The following CALCRL variants were observed in gnomAD, a reference collection of about 807,000 sequenced individuals.
The protein encoded by CALCRL is calcitonin gene-related peptide type 1 receptor.
In CALCRL, 27 loss-of-function variants were observed where a neutral mutation model predicts 60.4. That is an observed-to-expected ratio of 0.45 (90% CI 0.33 to 0.62). The LOEUF (loss-of-function observed/expected upper bound fraction) is 0.62, where lower values mean the gene tolerates loss of function less well. CALCRL is among the 20% of genes least tolerant of loss of function. CALCRL has a pLI of 0.03. For synonymous variants in CALCRL, 190 were observed against 182.6 expected (o/e 1.04, Z -0.33); for missense variants, 424 against 540.7 (o/e 0.78, Z 2.14).
At chr2:187,402,722 AAG>A (rs1332517791) in intron 1 of CALCRL, among the ~76,000 whole-genome samples, 2 of 151,854 alleles carry the variant, frequency 1.3e-5, no homozygotes, top group African/African-American at 2.4e-5. Flanking sequence ...GTGAATCAGA[AAG>A]AGTCTCCTGA....
At chr2:187,431,214 A>C (rs1324890137) in intron 1 of CALCRL, 1 of 154,790 alleles carries the variant, frequency 6.5e-6, no homozygotes, top group Non-Finnish European at 1.5e-5. Flanking sequence ...TATTGTTAAC[A>C]TGGTCTTATC....
chr2:187,412,757 A>T (rs1241330740), intron 1 of CALCRL, among the ~76,000 whole-genome samples: 1 of 152,214 alleles, frequency 6.6e-6, no homozygotes, highest in Non-Finnish European at 1.5e-5. Flanking sequence ...AATCTAATAC[A>T]AAATGGAATA....
At chr2:187,389,812 G>A (rs1688358933) in intron 1 of CALCRL, among the ~76,000 whole-genome samples, 1 of 151,956 alleles carries the variant, frequency 6.6e-6, no homozygotes, top group African/African-American at 2.4e-5. Context: ...ATCTTCCTTT[G>A]ATTAACTTTA....
intron 9 of CALCRL, 105 bp downstream of exon 9, chr2:187,363,271 A>C (rs1687137490): frequency 1.0e-5 from 11 of 1,090,410 alleles, no homozygotes; most frequent in Non-Finnish European, 1.4e-5. Flanking sequence ...AGACTTGAAA[A>C]TATACATATA....
intron 1 of CALCRL, among the ~76,000 whole-genome samples, chr2:187,392,665 T>C (rs1311300376): frequency 1.3e-5 from 2 of 152,178 alleles, no homozygotes; most frequent in East Asian, 3.8e-4. Flanking sequence ...AGAATTGTTG[T>C]TGCAAGTTAA....
chr2:187,352,300 G>T lies in CALCRL; in HGVS notation c.942C>A (p.Arg314=). Residue 314 remains arginine (R), a synonymous_variant, in exon 13 of 15, where the codon CGC becomes CGA. Coordinates refer to ENST00000392370, the MANE Select transcript of CALCRL (RefSeq NM_005795.6). ...TAACTTTTAACTTGGTGATGAGAAC[G>T]CGTACAATATTTAACAAGAAAAAAA... The part of the protein sequence containing the change: ...VNLFFLLNIV[R]VLITKLKVTH... The T allele has an allele frequency of 6.2e-7, 1 of 1,610,814 alleles. No individual in the cohort carries two copies.
At chr2:187,412,315 G>A (rs1423383556) in intron 1 of CALCRL, among the ~76,000 whole-genome samples, 1 of 151,974 alleles carries the variant, frequency 6.6e-6, no homozygotes, top group Non-Finnish European at 1.5e-5. Context: ...TTTTTCTCTT[G>A]AAGTGGCCCA....
intron 1 of CALCRL, among the ~76,000 whole-genome samples, chr2:187,397,243 G>A (rs1289422594): frequency 1.3e-5 from 2 of 151,498 alleles, no homozygotes; most frequent in African/African-American, 4.8e-5. Context: ...ATTTCAAGGC[G>A]GTGGTCACAT....
chr2:187,421,332 G>A (rs910159078), intron 1 of CALCRL, among the ~76,000 whole-genome samples: 4 of 152,014 alleles, frequency 2.6e-5, no homozygotes, highest in African/African-American at 7.2e-5. Flanking sequence ...GAAGCCTCTC[G>A]ATATCAAAAT....
At chr2:187,373,549 G>A (rs1054033283) in intron 8 of CALCRL, among the ~76,000 whole-genome samples, 1 of 151,994 alleles carries the variant, frequency 6.6e-6, no homozygotes, top group Non-Finnish European at 1.5e-5. Context: ...ATTTAATTTT[G>A]TTTTTAAAGA....
chr2:187,364,694 A>G (rs1687202971), intron 8 of CALCRL, among the ~76,000 whole-genome samples: 1 of 152,138 alleles, frequency 6.6e-6, no homozygotes, highest in Admixed American at 6.5e-5. Flanking sequence ...TGCCTCTGAA[A>G]TTACCTTTCT....
Position 187,406,521 on chromosome 2 carries a change from T to G in CALCRL, c.-292-18765A>C, listed in dbSNP as rs929936766. On this transcript the variant is annotated intron_variant, in intron 1 of 14. Transcript: ENST00000392370. ...TAAGAAAAAGGGAAAGGCAAATAAA[T>G]AAAGAAAATAAAAGAAAAGGAAGCA... Among the ~76,000 whole-genome samples the G allele has an allele frequency of 3.3e-5, 5 of 152,114 alleles. No individual in the cohort carries two copies. The East Asian group carries it at 7.7e-4, about 24-fold the overall frequency.
intron 9 of CALCRL, among the ~76,000 whole-genome samples, chr2:187,362,591 A>ACACAC (rs1687103499): frequency 2.6e-5 from 3 of 113,886 alleles, no homozygotes; most frequent in Non-Finnish European, 5.9e-5. Flanking sequence ...CACACACACA[A>ACACAC]AATATAGTAA....
At position 187,346,409 on chromosome 2, in the gene CALCRL, A is replaced by G. The variant is rs752699369; in HGVS notation, c.1171-10T>C. 17 of 1,588,986 alleles carry G rather than the reference A, an allele frequency of 1.1e-5. No homozygotes were observed. In the African/African-American group the frequency reaches 2.0e-4, roughly 19 times the overall value. On this transcript the variant is annotated splice_polypyrimidine_tract_variant and intron_variant, in intron 14 of 14. Coordinates refer to ENST00000392370, the MANE Select transcript of CALCRL (RefSeq NM_005795.6). ...TCAGAATTGCTTGAACCTATCAATC[A>G]AAAGGAAAACAGAAAGAACAAGAAC...
chr2:187,442,258 C>A (rs67492154), intron 1 of CALCRL, among the ~76,000 whole-genome samples: 58,779 of 150,082 alleles, frequency 0.39, 12,085 homozygotes, highest in African/African-American at 0.51. Flanking sequence ...GAATTACCTG[C>A]AACATGGGTG....
chr2:187,418,496 A>C (rs1470629270), intron 1 of CALCRL, among the ~76,000 whole-genome samples: 1 of 152,086 alleles, frequency 6.6e-6, no homozygotes, highest in Non-Finnish European at 1.5e-5. Context: ...TATATTCTTC[A>C]TGAGAGTAAA....
At chr2:187,402,312 G>A (rs1688923172) in intron 1 of CALCRL, among the ~76,000 whole-genome samples, 2 of 151,664 alleles carry the variant, frequency 1.3e-5, no homozygotes, top group South Asian at 4.1e-4. Flanking sequence ...GGAGTAGAAT[G>A]ATATGTACAA....
intron 14 of CALCRL, among the ~76,000 whole-genome samples, chr2:187,347,313 A>T (rs1211297482): frequency 6.6e-6 from 1 of 151,742 alleles, no homozygotes; most frequent in East Asian, 1.9e-4. Context: ...GCCTGCTTTT[A>T]GGTTATGAAT....
chr2:187,377,919 A>G (rs547954367), intron 8 of CALCRL, among the ~76,000 whole-genome samples: 3 of 152,176 alleles, frequency 2.0e-5, no homozygotes, highest in East Asian at 3.9e-4. Flanking sequence ...AATGTTAGAA[A>G]TTGCTTAATA....
Sources: allele counts gnomAD v4.1 joint callset (sites outside exome capture counted in the v4.1 genomes callset), GRCh38; gene constraint gnomAD v4.1.1; transcripts MANE v1.5; gene names NCBI Gene and HGNC (gene_info 2026-07-23, HGNC 2026-07-21).